SIRT1: variants seen among roughly 807,000 people sequenced by gnomAD.
The protein encoded by SIRT1 is sirtuin 1, also known as NAD-dependent protein deacetylase sirtuin-1.
In SIRT1, 24 loss-of-function variants were observed where a neutral mutation model predicts 67.9. The ratio of observed to expected loss-of-function variants is 0.35; its 90% CI spans 0.26 to 0.50. The LOEUF is 0.50. Ranked by LOEUF, SIRT1 falls within the 20% of genes least tolerant of loss-of-function variation. The pLI is 0.98. For missense variants in SIRT1, 873 were observed against 937.2 expected (o/e 0.93, Z 0.89); for synonymous variants, 378 against 350.7 (o/e 1.08, Z -0.87).
At chr10:67,887,629 T>C in intron 2 of SIRT1, 96 bp downstream of exon 2, 1 of 765,516 alleles carries the variant, frequency 1.3e-6, no homozygotes, top group East Asian at 2.8e-5. Flanking sequence ...GAGGCTGGAG[T>C]GCAATGGCGC....
At chr10:67,887,943 C>T (rs1842512026) in intron 2 of SIRT1, among the ~76,000 whole-genome samples, 1 of 152,154 alleles carries the variant, frequency 6.6e-6, no homozygotes, top group Non-Finnish European at 1.5e-5. Context: ...ACTTCATATT[C>T]CTTGTTTTTT....
chr10:67,905,675 T>G (rs1842811155), intron 4 of SIRT1, among the ~76,000 whole-genome samples: 1 of 152,220 alleles, frequency 6.6e-6, no homozygotes, highest in Non-Finnish European at 1.5e-5. Context: ...ACAGCCTGTT[T>G]GTATCCTTCC....
At chr10:67,897,643 T>A (rs1337242765) in intron 4 of SIRT1, among the ~76,000 whole-genome samples, 1 of 152,040 alleles carries the variant, frequency 6.6e-6, no homozygotes, top group Non-Finnish European at 1.5e-5. Context: ...ATTACAGGCA[T>A]GAGCCACTGT....
intron 4 of SIRT1, among the ~76,000 whole-genome samples, chr10:67,899,488 A>G (rs1252372792): frequency 6.6e-6 from 1 of 151,928 alleles, no homozygotes; most frequent in Admixed American, 6.6e-5. Context: ...ACTCTTGGAA[A>G]TCATTCAGGG....
At chr10:67,909,670 G>T (rs1447744890) in intron 7 of SIRT1, among the ~76,000 whole-genome samples, 1 of 152,044 alleles carries the variant, frequency 6.6e-6, no homozygotes, top group Non-Finnish European at 1.5e-5. Flanking sequence ...CGCCTCCCGG[G>T]TTCAAGCGAT....
At chr10:67,909,172 C>G in intron 6 of SIRT1, 84 bp from the exon 7 acceptor site, 1 of 854,206 alleles carries the variant, frequency 1.2e-6, no homozygotes, top group Admixed American at 2.8e-5. Flanking sequence ...GAAATGTATT[C>G]TTAGAGGTAT....
intron 4 of SIRT1, among the ~76,000 whole-genome samples, chr10:67,903,547 C>A (rs914981413): frequency 4.6e-5 from 7 of 152,200 alleles, no homozygotes; most frequent in African/African-American, 1.7e-4. Context: ...CCATGCCCAG[C>A]TAATTTTTTT....
At chr10:67,887,734 G>A (rs112908844) in intron 2 of SIRT1, among the ~76,000 whole-genome samples, 1 of 152,054 alleles carries the variant, frequency 6.6e-6, no homozygotes, top group Non-Finnish European at 1.5e-5. Flanking sequence ...ATGCCACTAC[G>A]CCCGGCTAAT....
At chr10:67,903,084 C>T (rs1842767108) in intron 4 of SIRT1, among the ~76,000 whole-genome samples, 1 of 151,830 alleles carries the variant, frequency 6.6e-6, no homozygotes, top group Non-Finnish European at 1.5e-5. Flanking sequence ...CAGAGCGAGA[C>T]TCTCAAAAAA....
rs780246889 is a variant in SIRT1 at position 67,887,408 on chromosome 10, C to G, written c.431-9C>G. ...TTGATAGCCTTGACTGACTTGGTTT[C>G]TTTTGCAGATAACCTTCTGTTCGGT... On this transcript the variant is annotated splice_polypyrimidine_tract_variant and intron_variant, in intron 1 of 8. Coordinates refer to ENST00000212015, the MANE Select transcript of SIRT1 (RefSeq NM_012238.5). The G allele has an allele frequency of 4.4e-6, 7 of 1,595,100 alleles. No individual in the cohort carries two copies. The highest frequency in any genetic ancestry group is 1.1e-5 in the South Asian group (1 of 90,504).
In SIRT1 at chr10:67,916,786, C is replaced by A. The variant is rs1223967393; in HGVS notation, c.*193C>A. 8.3e-6 allele frequency: 3 copies of A among 363,406 alleles called. No homozygotes were observed. The highest frequency in any genetic ancestry group is 1.0e-4 in the South Asian group (1 of 9,556). 22.5% of individuals were successfully genotyped at this position (363,406 alleles called of 1,614,324 possible). On this transcript the variant is annotated 3_prime_UTR_variant, in exon 9 of 9. Transcript: ENST00000212015. ...TTTCTGTACTTGTACAAACTCAACACTAACTTTTTTTTTTTTAAAAAAAAA... is the reference window on the plus strand; with the variant it reads ...TTTCTGTACTTGTACAAACTCAACAATAACTTTTTTTTTTTTAAAAAAAAA...
chr10:67,885,114 G>T lies in SIRT1; in HGVS notation c.393G>T (p.Glu131Asp). ...YDEDDDDEGE[E>D]EEEAAAAAIG... ...AAGACGACGACGACGAGGGCGAGGA[G>T]GAGGAAGAGGCGGCGGCGGCGGCGA... The change falls in exon 1 of 9, where the codon GAG becomes GAT. Residue 131 changes from glutamate (E) to aspartate (D), a missense_variant. Physicochemically the swap from Glu to Asp is conservative, Grantham distance 45 (BLOSUM62 2). Around this residue, in one of 3 missense-constraint regions of SIRT1, gnomAD observed 327 missense variants for 283.9 expected, o/e 1.15. Transcript: ENST00000212015. 6.9e-7 allele frequency: 1 copy of T among 1,443,178 alleles called. No homozygotes were observed. The highest frequency in any genetic ancestry group is 9.1e-7 in the Non-Finnish European group (1 of 1,093,112). The allele number at this position is 1,443,178 out of a possible 1,614,324, so 89.4% of individuals were successfully genotyped here. A position where few individuals can be genotyped will look rare whatever the true frequency, so the allele number is the denominator to read the frequency against.
In SIRT1 at chr10:67,888,892, T is replaced by C. The variant is rs1490252183; in HGVS notation, c.558T>C (p.Thr186=). Residue 186 remains threonine (T), a synonymous_variant, in exon 3 of 9, where the codon ACT becomes ACC. Transcript: ENST00000212015. ...TCCCCCTTATTGTAGGTCCATATAC[T>C]TTTGTTCAGCAACATCTTATGATTG... ...WTPRPRIGPY[T]FVQQHLMIGT... is the part of the protein sequence containing the mutation. 8 of 1,611,662 alleles carry C rather than the reference T, an allele frequency of 5.0e-6. No individual in the cohort carries two copies. Among genetic ancestry groups the C allele is most frequent in the Non-Finnish European group, 6.8e-6 (8 of 1,178,556 alleles).
intron 5 of SIRT1, among the ~76,000 whole-genome samples, chr10:67,907,531 G>GAGT (rs1194693977): frequency 6.7e-6 from 1 of 149,366 alleles, no homozygotes; most frequent in African/African-American, 2.5e-5. Flanking sequence ...CTGAATACAA[G>GAGT]AGTAGTATTA....
intron 7 of SIRT1, among the ~76,000 whole-genome samples, chr10:67,910,957 A>G (rs1489110405): frequency 1.3e-5 from 2 of 152,234 alleles, no homozygotes; most frequent in African/African-American, 4.8e-5. Flanking sequence ...TCAGCAGTCA[A>G]GGCAGCCAGA....
rs1267117450 is a variant in SIRT1 at position 67,885,158 on chromosome 10, A to G, written c.430+7A>G. 13 of 1,385,816 alleles carry G rather than the reference A, an allele frequency of 9.4e-6. No individual in the cohort carries two copies. The highest frequency in any genetic ancestry group is 4.5e-5 in the African/African-American group (3 of 66,034). 85.8% of individuals were successfully genotyped at this position (1,385,816 alleles called of 1,614,324 possible). On this transcript the variant is annotated splice_region_variant and intron_variant, in intron 1 of 8. Coordinates refer to ENST00000212015, the MANE Select transcript of SIRT1 (RefSeq NM_012238.5). The stretch of plus-strand genomic sequence containing the variant: ...GCGGCGATTGGGTACCGAGGTGCGC[A>G]GGGTGCGGGCGGCCGGAACTGCGCA...
rs769257926 is a variant in SIRT1, at chr10:67,912,863, C to A, written c.1747C>A (p.Gln583Lys). 5.6e-6 allele frequency: 9 copies of A among 1,614,094 alleles called. No individual in the cohort carries two copies. In the South Asian group the frequency reaches 8.8e-5, roughly 16 times the overall value. ...GCMEEKPQEV[Q>K]TSRNVESIAE... ...TATGGAAGAAAAACCACAGGAAGTA[C>A]AAACTTCTAGGAATGTTGAAAGTAT... The change falls in exon 8 of 9, where the codon CAA becomes AAA. Residue 583 changes from glutamine (Q) to lysine (K), a missense_variant. Physicochemically the swap from Gln to Lys is moderately conservative, Grantham distance 53. Around this residue, in one of 3 missense-constraint regions of SIRT1, gnomAD observed 295 missense variants for 294.5 expected, o/e 1.00. Transcript: ENST00000212015.
In SIRT1 at chr10:67,916,379, G is replaced by A; in HGVS notation, c.2030G>A (p.Ser677Asn). Residue 677 changes from serine (S) to asparagine (N), a missense_variant, in exon 9 of 9, where the codon AGT becomes AAT. Physicochemically the swap from Ser to Asn is conservative, Grantham distance 46. Transcript: ENST00000212015. ...AGTTCTTGTGGCAGTAACAGTGATAGTGGGACATGCCAGAGTCCAAGTTTA... is the reference window on the plus strand; with the variant it reads ...AGTTCTTGTGGCAGTAACAGTGATAATGGGACATGCCAGAGTCCAAGTTTA... Reference protein sequence around the residue: ...SSSSCGSNSDSGTCQSPSLEE... With the variant: ...SSSSCGSNSDNGTCQSPSLEE... The A allele has an allele frequency of 6.2e-7, 1 of 1,614,192 alleles. No homozygotes were observed. Among genetic ancestry groups the A allele is most frequent in the Non-Finnish European group, 8.5e-7 (1 of 1,180,030 alleles).
intron 2 of SIRT1, among the ~76,000 whole-genome samples, chr10:67,888,047 G>T (rs1455197277): frequency 6.6e-6 from 1 of 152,174 alleles, no homozygotes; most frequent in African/African-American, 2.4e-5. Context: ...TTCTACGGGA[G>T]CAGGAATTTT....
Sources: gnomAD v4.1 joint callset for allele counts (sites outside exome capture counted in the v4.1 genomes callset) on GRCh38, gnomAD v4.1.1 for gene constraint, gnomAD v4.1.1 regional missense constraint, MANE v1.5 for transcripts, NCBI Gene and HGNC (gene_info 2026-07-23, HGNC 2026-07-21) for gene names.